SH3BGRL2: variants seen among roughly 807,000 people sequenced by gnomAD.
SH3BGRL2 encodes the protein SH3 domain-binding glutamic acid-rich-like protein 2.
SH3BGRL2 carries 21 observed loss-of-function variants against 14.8 expected under a neutral mutation model. That is an observed-to-expected ratio of 1.42 (90% CI 1.01 to 2.05). SH3BGRL2 has a LOEUF of 2.05. SH3BGRL2 is among the 30% of genes most tolerant of loss of function. The pLI, the probability that SH3BGRL2 is intolerant of heterozygous loss-of-function variation, is 0.00. For synonymous variants in SH3BGRL2, 50 were observed against 47.8 expected, an observed-to-expected ratio of 1.05 and a Z score of -0.19; for missense variants, 147 against 130.8, an observed-to-expected ratio of 1.12 and a Z score of -0.61.
intron 1 of SH3BGRL2, among the ~76,000 whole-genome samples, chr6:79,665,755 T>C (rs149468763): frequency 2.4e-4 from 36 of 152,368 alleles, no homozygotes; most frequent in African/African-American, 8.2e-4. Context: ...ATTAAAATTA[T>C]ATTGTTTCAA....
At chr6:79,542,327 G>C in the SH3BGRL2 span, among the ~76,000 whole-genome samples, 4 of 151,480 alleles carry the variant, frequency 2.6e-5, no homozygotes, top group Non-Finnish European at 5.9e-5. Context: ...GAGTGCAATG[G>C]TGCGATCTCA....
chr6:79,683,941 A>AGAAAT (rs1189269815), intron 2 of SH3BGRL2, among the ~76,000 whole-genome samples: 4 of 152,228 alleles, frequency 2.6e-5, no homozygotes, highest in African/African-American at 9.6e-5. Context: ...AATGATGGAC[A>AGAAAT]GAAATTTTGA....
At chr6:79,585,865 A>G in the SH3BGRL2 span, among the ~76,000 whole-genome samples, 1 of 151,678 alleles carries the variant, frequency 6.6e-6, no homozygotes, top group East Asian at 1.9e-4. Context: ...ACAGCTCTGA[A>G]TGCAGCCCAA....
chr6:79,555,354 G>T, the SH3BGRL2 span, among the ~76,000 whole-genome samples: 2 of 152,048 alleles, frequency 1.3e-5, no homozygotes, highest in Admixed American at 6.5e-5. Context: ...GGAGGCTGAG[G>T]CAGGAAAATT....
chr6:79,617,665 A>G, the SH3BGRL2 span, among the ~76,000 whole-genome samples: 3 of 152,216 alleles, frequency 2.0e-5, no homozygotes, highest in Non-Finnish European at 4.4e-5. Context: ...ATTAAGCCAT[A>G]TTCTGGATTT....
the SH3BGRL2 span, among the ~76,000 whole-genome samples, chr6:79,590,420 ATG>A: frequency 6.6e-3 from 435 of 65,572 alleles, 12 homozygotes; most frequent in African/African-American, 0.025. Flanking sequence ...GATAAAGAAA[ATG>A]TGATATATAT....
chr6:79,609,347 A>T, the SH3BGRL2 span, among the ~76,000 whole-genome samples: 1 of 152,156 alleles, frequency 6.6e-6, no homozygotes, highest in South Asian at 2.1e-4. Flanking sequence ...AAACATCCAG[A>T]TGAGTTTGAC....
intron 2 of SH3BGRL2, among the ~76,000 whole-genome samples, chr6:79,680,743 T>G (rs983768389): frequency 6.6e-6 from 1 of 152,162 alleles, no homozygotes; most frequent in Non-Finnish European, 1.5e-5. Flanking sequence ...TTTAATTTTT[T>G]TCAGCATGTT....
the SH3BGRL2 span, among the ~76,000 whole-genome samples, chr6:79,619,268 TA>T: frequency 6.6e-6 from 1 of 152,130 alleles, no homozygotes; most frequent in Admixed American, 6.5e-5. Context: ...TCTGTATGTA[TA>T]ATTTCCTTCC....
chr6:79,658,609 G>T (rs1196754836), intron 1 of SH3BGRL2, among the ~76,000 whole-genome samples: 1 of 152,198 alleles, frequency 6.6e-6, no homozygotes, highest in African/African-American at 2.4e-5. Context: ...ACATATGTGT[G>T]CATGTGTCTT....
chr6:79,608,602 C>T, the SH3BGRL2 span, among the ~76,000 whole-genome samples: 2 of 152,114 alleles, frequency 1.3e-5, no homozygotes, highest in Non-Finnish European at 2.9e-5. Flanking sequence ...CAACTGAGGG[C>T]AGTAACATGA....
the SH3BGRL2 span, among the ~76,000 whole-genome samples, chr6:79,578,911 T>TA: frequency 2.6e-5 from 4 of 152,186 alleles, no homozygotes; most frequent in Non-Finnish European, 1.5e-5. Flanking sequence ...TGAAAAAAGA[T>TA]TAGATGAATA....
chr6:79,552,705 A>G, the SH3BGRL2 span: 3 of 152,224 alleles, frequency 2.0e-5, no homozygotes, highest in African/African-American at 7.2e-5. Flanking sequence ...ATCCCAATCC[A>G]GACCTACAGA....
chr6:79,572,212 CATT>C, the SH3BGRL2 span, among the ~76,000 whole-genome samples: 5 of 152,112 alleles, frequency 3.3e-5, no homozygotes, highest in Admixed American at 2.0e-4. Context: ...TTTATTTCCT[CATT>C]ATGTTGATAG....
chr6:79,643,063 T>A (rs1199430313), intron 1 of SH3BGRL2, among the ~76,000 whole-genome samples: 4 of 152,182 alleles, frequency 2.6e-5, no homozygotes, highest in African/African-American at 9.7e-5. Context: ...GCTGAACAAT[T>A]ACTCTTTATC....
the SH3BGRL2 span, among the ~76,000 whole-genome samples, chr6:79,624,399 G>A: frequency 2.6e-5 from 4 of 151,100 alleles, no homozygotes; most frequent in African/African-American, 9.7e-5. Flanking sequence ...AAGATGACTA[G>A]GAGAGTCCTA....
the SH3BGRL2 span, among the ~76,000 whole-genome samples, chr6:79,550,140 A>T: frequency 6.6e-6 from 1 of 152,176 alleles, no homozygotes; most frequent in Non-Finnish European, 1.5e-5. Flanking sequence ...AAAAATAGTT[A>T]TTAACAAAAT....
At chr6:79,565,708 AC>A in the SH3BGRL2 span, among the ~76,000 whole-genome samples, 1 of 152,240 alleles carries the variant, frequency 6.6e-6, no homozygotes, top group African/African-American at 2.4e-5. Flanking sequence ...AATAATGCCT[AC>A]ACACATTTAC....
At chr6:79,694,312 G>A (rs370359469) in intron 2 of SH3BGRL2, among the ~76,000 whole-genome samples, 17 of 152,278 alleles carry the variant, frequency 1.1e-4, no homozygotes, top group South Asian at 1.0e-3. Flanking sequence ...CTCTTACCAC[G>A]TTCAGTATAG....
Sources: gnomAD v4.1 joint callset for allele counts (sites outside exome capture counted in the v4.1 genomes callset) on GRCh38, gnomAD v4.1.1 for gene constraint, MANE v1.5 for transcripts, NCBI Gene and HGNC (gene_info 2026-07-23, HGNC 2026-07-21) for gene names.